ZNF90: variants seen among roughly 807,000 people sequenced by gnomAD.
ZNF90 encodes the protein zinc finger protein HTF9.
ZNF90 carries 11 observed loss-of-function variants against 12.0 expected under a neutral mutation model. The observed-to-expected ratio is 0.92, with a 90% CI of 0.58 to 1.52. The LOEUF is 1.52. Ranked by LOEUF, ZNF90 falls within the 40% of genes most tolerant of loss-of-function variation. The pLI, the probability that ZNF90 is intolerant of heterozygous loss-of-function variation, is 0.00. For synonymous variants in ZNF90, 232 were observed against 240.1 expected, an observed-to-expected ratio of 0.97 and a Z score of 0.31; for missense variants, 765 against 711.5, an observed-to-expected ratio of 1.08 and a Z score of -0.86.
rs1392588966 is a variant in ZNF90, at chr19:20,114,360, T to A, written c.227-3421T>A. ...ATGCAACATATCACTAGAATGTTTT[T>A]ATCTTGCAAAGCTAAATCTCTATAC... On this transcript the variant is annotated intron_variant, in intron 3 of 3. Transcript: ENST00000418063. 3.3e-5 allele frequency among the ~76,000 whole-genome samples: 5 copies of A among 152,242 alleles called. No individual in the cohort carries two copies. In the East Asian group the frequency reaches 9.6e-4, roughly 29 times the overall value.
At chr19:20,106,910 GC>G in intron 3 of ZNF90, 1 of 454,554 alleles carries the variant, frequency 2.2e-6, no homozygotes, top group Non-Finnish European at 4.4e-6. Context: ...TGTTACAGGG[GC>G]TTGGGTTGTT....
At chr19:20,096,537 C>T (rs1165744252) in intron 1 of ZNF90, among the ~76,000 whole-genome samples, 12 of 151,344 alleles carry the variant, frequency 7.9e-5, no homozygotes, top group Admixed American at 1.3e-4. Context: ...GAGTGGGGGT[C>T]GCAAGGTGCT....
chr19:20,097,945 T>A (rs1463459599), intron 1 of ZNF90, among the ~76,000 whole-genome samples: 1 of 152,248 alleles, frequency 6.6e-6, no homozygotes, highest in Admixed American at 6.5e-5. Context: ...AACAACTTTG[T>A]GTCAGCCCAC....
chr19:20,115,473 TC>T (rs2122525822), intron 3 of ZNF90, among the ~76,000 whole-genome samples: 1 of 151,596 alleles, frequency 6.6e-6, no homozygotes, highest in East Asian at 1.9e-4. Context: ...CTTTTGTGTA[TC>T]TTTACAGATA....
rs1555706279 is a variant in ZNF90 at position 20,119,188 on chromosome 19, C to T, written c.1634C>T (p.Ala545Val). Reference protein sequence around the residue: ...KPYKCEECGKAFKRSSQLTSH... With the variant: ...KPYKCEECGKVFKRSSQLTSH... Reference sequence around the variant, plus strand: ...TACAAATGTGAAGAATGTGGCAAAGCCTTTAAGCGCTCCTCACAGCTTACT... The same window carrying T: ...TACAAATGTGAAGAATGTGGCAAAGTCTTTAAGCGCTCCTCACAGCTTACT... The change falls in exon 4 of 4, where the codon GCC (alanine) becomes GTC (valine). Residue 545 changes from alanine to valine, a missense_variant. Physicochemically the swap from Ala to Val is moderately conservative, Grantham distance 64 (BLOSUM62 0). Coordinates refer to ENST00000418063, the MANE Select transcript of ZNF90 (RefSeq NM_007138.2). The T allele has an allele frequency of 1.2e-6, 2 of 1,612,882 alleles. No homozygotes were observed. Among genetic ancestry groups the T allele is most frequent in the Non-Finnish European group, 1.7e-6 (2 of 1,179,342 alleles).
At chr19:20,079,854 G>T in intron 1 of ZNF90, 1 of 388,558 alleles carries the variant, frequency 2.6e-6, no homozygotes, top group Admixed American at 3.6e-5. Flanking sequence ...CTGAAGCGAT[G>T]TAAGCAAGAA....
At chr19:20,089,800 G>A (rs2088887955) in intron 1 of ZNF90, among the ~76,000 whole-genome samples, 2 of 152,156 alleles carry the variant, frequency 1.3e-5, no homozygotes, top group Admixed American at 1.3e-4. Flanking sequence ...GTGTTGCCCA[G>A]TCTGTCTGTA....
intron 3 of ZNF90, 80 bp downstream of exon 3, chr19:20,105,396 T>A (rs117650587): frequency 0.014 from 16,195 of 1,165,532 alleles, 141 homozygotes; most frequent in Non-Finnish European, 0.017. Flanking sequence ...GTCCTTAAAA[T>A]GTGATTTAGG....
At position 20,105,315 on chromosome 19, in the gene ZNF90, A is replaced by C. The variant is rs782024551; in HGVS notation, c.225A>C (p.Pro75=). ...GACATGAGATGATTGCCAAATCCCC[A>C]GGTAGGTGCGAGTGAAAATGAATAC... The part of the protein sequence containing the change: ...VKRHEMIAKS[P]VMCFHFAQDL... The change falls in exon 3 of 4, where the codon CCA becomes CCC. Residue 75 remains proline, a splice_region_variant and synonymous_variant. Transcript: ENST00000418063. 1 of 1,603,204 alleles carries C rather than the reference A, an allele frequency of 6.2e-7. No individual in the cohort carries two copies. Among genetic ancestry groups the C allele is most frequent in the African/African-American group, 1.3e-5 (1 of 74,416 alleles).
intron 1 of ZNF90, among the ~76,000 whole-genome samples, chr19:20,081,801 G>A (rs1281854023): frequency 1.4e-5 from 2 of 143,184 alleles, no homozygotes; most frequent in Non-Finnish European, 1.5e-5. Context: ...GTCTCGCTCT[G>A]TCATCCAGGC....
intron 1 of ZNF90, among the ~76,000 whole-genome samples, chr19:20,102,350 C>A (rs2088996368): frequency 6.6e-6 from 1 of 152,176 alleles, no homozygotes. Flanking sequence ...ATCCTTCCTG[C>A]TGACTATTCA....
Position 20,104,363 on chromosome 19 carries a change from T to C in ZNF90, c.128T>C (p.Leu43Pro). The C allele has an allele frequency of 6.2e-7, 1 of 1,612,594 alleles. No homozygotes were observed. Among genetic ancestry groups the C allele is most frequent in the East Asian group, 2.2e-5 (1 of 44,840 alleles). The change falls in exon 2 of 4, where the codon CTT (leucine) becomes CCT (proline). Residue 43 changes from leucine (L) to proline (P), a missense_variant and splice_region_variant. Transcript: ENST00000418063. ...MLENYRHLVF[L>P]GIVVTKPDLI... ...GAGAACTACAGACACCTGGTCTTCC[T>C]TGGTGAGGATAAGTGGAATACATAA... is the stretch of plus-strand genomic sequence containing the variant.
At chr19:20,091,274 G>T (rs1337863772) in intron 1 of ZNF90, among the ~76,000 whole-genome samples, 1 of 152,106 alleles carries the variant, frequency 6.6e-6, no homozygotes, top group Non-Finnish European at 1.5e-5. Flanking sequence ...TCCCTGAGGG[G>T]TAGTAGAATA....
intron 1 of ZNF90, among the ~76,000 whole-genome samples, chr19:20,078,375 C>G (rs2088793775): frequency 6.6e-6 from 1 of 152,068 alleles, no homozygotes; most frequent in African/African-American, 2.4e-5. Flanking sequence ...GGCAGCTCTG[C>G]ACCCACAGCG....
chr19:20,082,215 G>A (rs905392176), intron 1 of ZNF90, among the ~76,000 whole-genome samples: 1 of 151,944 alleles, frequency 6.6e-6, no homozygotes, highest in African/African-American at 2.4e-5. Flanking sequence ...TGATCCTCAT[G>A]GTCCTCCCAC....
chr19:20,109,307 G>A (rs530697903), intron 3 of ZNF90, among the ~76,000 whole-genome samples: 5 of 152,230 alleles, frequency 3.3e-5, no homozygotes, highest in Admixed American at 3.3e-4. Flanking sequence ...GTGTTTGTCT[G>A]TAAATATGAC....
Position 20,119,464 on chromosome 19 carries a change from T to A in ZNF90, c.*104T>A. 3.2e-6 allele frequency: 3 copies of A among 924,030 alleles called. No individual in the cohort carries two copies. The highest frequency in any genetic ancestry group is 4.8e-6 in the Non-Finnish European group (3 of 622,324). 57.2% of individuals were successfully genotyped at this position (924,030 alleles called of 1,614,324 possible). The stretch of plus-strand genomic sequence containing the variant: ...CCTTTGACCACCCCTCTACTCTTAC[T>A]AAATATGAGAATTTATATGAAACAT... On this transcript the variant is annotated 3_prime_UTR_variant, in exon 4 of 4. Coordinates refer to ENST00000418063, the MANE Select transcript of ZNF90 (RefSeq NM_007138.2).
intron 1 of ZNF90, among the ~76,000 whole-genome samples, chr19:20,078,760 CAGCTT>C (rs1261766982): frequency 4.6e-5 from 7 of 152,102 alleles, no homozygotes; most frequent in Non-Finnish European, 1.0e-4. Flanking sequence ...CAACCGGGAT[CAGCTT>C]AGATTGTGCG....
intron 1 of ZNF90, among the ~76,000 whole-genome samples, chr19:20,094,981 G>A (rs2088931470): frequency 6.6e-6 from 1 of 152,128 alleles, no homozygotes; most frequent in African/African-American, 2.4e-5. Context: ...GAGGGGAGGT[G>A]ATAGAAGGAT....
Sources: gnomAD v4.1 joint callset for allele counts (sites outside exome capture counted in the v4.1 genomes callset) on GRCh38, gnomAD v4.1.1 for gene constraint, MANE v1.5 for transcripts, NCBI Gene and HGNC (gene_info 2026-07-23, HGNC 2026-07-21) for gene names.